THRAP3: variants seen among roughly 807,000 people sequenced by gnomAD.
The protein encoded by THRAP3 is thyroid hormone receptor associated protein 3, also known as thyroid hormone receptor-associated protein 3.
A neutral mutation model predicts 101.0 loss-of-function variants in THRAP3; 16 were observed. The ratio of observed to expected loss-of-function variants is 0.16; its 90% confidence interval spans 0.11 to 0.24. THRAP3 has a LOEUF of 0.24. Ranked by LOEUF, THRAP3 falls within the 10% of genes least tolerant of loss-of-function variation. The pLI is 1.00. For missense variants in THRAP3, 989 were observed against 1,202.7 expected (o/e 0.82, Z 2.63); for synonymous variants, 407 against 422.6 (o/e 0.96, Z 0.45).
At chr1:36,234,370 C>G (rs1430870858) in intron 1 of THRAP3, among the ~76,000 whole-genome samples, 2 of 152,176 alleles carry the variant, frequency 1.3e-5, no homozygotes, top group African/African-American at 4.8e-5. Context: ...TTTCTTCCCC[C>G]CTGCTCACAG....
chr1:36,221,139 T>C (rs990042623), upstream of THRAP3, among the ~76,000 whole-genome samples: 1 of 145,024 alleles, frequency 6.9e-6, no homozygotes, highest in African/African-American at 2.6e-5. Flanking sequence ...GTGCACATAT[T>C]GTGGGCCACT....
intron 1 of THRAP3, among the ~76,000 whole-genome samples, chr1:36,228,313 G>A (rs774732157): frequency 6.6e-6 from 1 of 152,066 alleles, no homozygotes; most frequent in African/African-American, 2.4e-5. Flanking sequence ...TGCCTCCAGG[G>A]TTCAAGCGAT....
At chr1:36,298,080 G>A (rs1645976325) in intron 9 of THRAP3, among the ~76,000 whole-genome samples, 1 of 150,462 alleles carries the variant, frequency 6.6e-6, no homozygotes, top group African/African-American at 2.5e-5. Context: ...CTGGGAGGAG[G>A]AGGTTGCACT....
chr1:36,263,055 C>A (rs1352827925), intron 2 of THRAP3, among the ~76,000 whole-genome samples: 1 of 149,442 alleles, frequency 6.7e-6, no homozygotes, highest in African/African-American at 2.5e-5. Context: ...CGTGATCTGC[C>A]CACCTTGGCC....
In THRAP3 at chr1:36,286,524, A is replaced by G. The variant is rs543227615; in HGVS notation, c.294A>G (p.Gln98=). 15 of 1,614,186 alleles carry G rather than the reference A, an allele frequency of 9.3e-6. No homozygotes were observed. Among genetic ancestry groups the G allele is most frequent in the South Asian group, 4.4e-5 (4 of 91,080 alleles). The change falls in exon 4 of 12, where the codon CAA becomes CAG. Residue 98 remains glutamine, a synonymous_variant. Coordinates refer to ENST00000354618, the MANE Select transcript of THRAP3 (RefSeq NM_005119.4). The surrounding 1 kb of genome is among the most constrained non-coding windows in gnomAD (Gnocchi z 5.5). The part of the protein sequence containing the change: ...GRNRGFYPWG[Q]YNRGGYGNYR... ...ACAGAGGCTTTTATCCATGGGGCCA[A>G]TATAACCGAGGAGGCTATGGAAACT...
intron 2 of THRAP3, among the ~76,000 whole-genome samples, chr1:36,260,251 AAAAC>A (rs898826009): frequency 8.5e-5 from 13 of 152,132 alleles, no homozygotes; most frequent in African/African-American, 2.4e-4. Flanking sequence ...CAGAAAAACA[AAAAC>A]AAACAAAAGC....
rs1040426960 is a variant in THRAP3, at chr1:36,304,537, A to C, written c.*520A>C. 1.8e-5 allele frequency: 4 copies of C among 227,372 alleles called. No homozygotes were observed. Among genetic ancestry groups the C allele is most frequent in the African/African-American group, 6.7e-5 (3 of 44,872 alleles). The allele number at this position is 227,372 out of a possible 1,614,324, so 14.1% of individuals were successfully genotyped here. A position where few individuals can be genotyped will look rare whatever the true frequency, so the allele number is the denominator to read the frequency against. On this transcript the variant is annotated 3_prime_UTR_variant, in exon 12 of 12. Coordinates refer to ENST00000354618, the MANE Select transcript of THRAP3 (RefSeq NM_005119.4). ...CTTTGATTCTTGAAAGAGAAAACAA[A>C]AGCATGTGAATAAACTTTGAAGTGT...
chr1:36,292,480 C>G, intron 6 of THRAP3, 118 bp from the exon 7 acceptor site: 1 of 665,004 alleles, frequency 1.5e-6, no homozygotes. Flanking sequence ...CCGTGTTAGC[C>G]AGGATGGTCT....
At chr1:36,250,225 T>G (rs1645282993) in intron 1 of THRAP3, among the ~76,000 whole-genome samples, 1 of 151,978 alleles carries the variant, frequency 6.6e-6, no homozygotes, top group Non-Finnish European at 1.5e-5. Context: ...TTTTTTTTTT[T>G]TTTTTTGAGA....
chr1:36,229,388 G>T, intron 1 of THRAP3, among the ~76,000 whole-genome samples: 1 of 146,042 alleles, frequency 6.8e-6, no homozygotes, highest in African/African-American at 2.5e-5. Flanking sequence ...GAGCCACCGT[G>T]TCTGGTCTAC....
chr1:36,255,949 G>T (rs1248901058), intron 1 of THRAP3, among the ~76,000 whole-genome samples: 1 of 151,768 alleles, frequency 6.6e-6, no homozygotes, highest in East Asian at 1.9e-4. Flanking sequence ...ACTAATGTGT[G>T]GAACATGGGA....
rs202131608 is a variant in THRAP3 at position 36,289,560 on chromosome 1, G to A, written c.1541G>A (p.Gly514Asp). 1.2e-6 allele frequency: 2 copies of A among 1,613,958 alleles called. No individual in the cohort carries two copies. The highest frequency in any genetic ancestry group is 1.7e-5 in the Admixed American group (1 of 59,968). Residue 514 changes from glycine to aspartate, a missense_variant, in exon 5 of 12, where the codon GGC becomes GAC. Gly to Asp is a moderately conservative substitution (Grantham distance 94). Coordinates refer to ENST00000354618, the MANE Select transcript of THRAP3 (RefSeq NM_005119.4). ...RGKRSEGGHR[G>D]FVPEKNFRVT... is the part of the protein sequence containing the mutation. ...AAGAGAAGCGAAGGTGGGCACAGGGGCTTTGTGCCTGAGAAGAATTTCCGA... is the reference window on the plus strand; with the variant it reads ...AAGAGAAGCGAAGGTGGGCACAGGGACTTTGTGCCTGAGAAGAATTTCCGA...
At chr1:36,251,653 T>C (rs1645301791) in intron 1 of THRAP3, among the ~76,000 whole-genome samples, 1 of 152,242 alleles carries the variant, frequency 6.6e-6, no homozygotes, top group Admixed American at 6.5e-5. Context: ...GAGAATGTAA[T>C]TGTTTAATGA....
At chr1:36,297,156 CAAAG>C (rs1158312893) in intron 9 of THRAP3, among the ~76,000 whole-genome samples, 1 of 152,160 alleles carries the variant, frequency 6.6e-6, no homozygotes, top group African/African-American at 2.4e-5. Context: ...ACTGTTTAGT[CAAAG>C]AAACAGGGTG....
At chr1:36,301,202 T>A in intron 10 of THRAP3, 118 bp downstream of exon 10, 1 of 1,044,998 alleles carries the variant, frequency 9.6e-7, no homozygotes, top group Non-Finnish European at 1.4e-6. Flanking sequence ...CCAAAGACCC[T>A]GGAATCTTTG....
At chr1:36,271,703 C>T (rs1645594153) in intron 2 of THRAP3, among the ~76,000 whole-genome samples, 1 of 151,128 alleles carries the variant, frequency 6.6e-6, no homozygotes, top group South Asian at 2.1e-4. Flanking sequence ...AAGCAATTCT[C>T]CTGCCTCAGC....
chr1:36,274,514 A>G (rs1441299687), intron 2 of THRAP3, among the ~76,000 whole-genome samples: 1 of 152,122 alleles, frequency 6.6e-6, no homozygotes, highest in Non-Finnish European at 1.5e-5. Flanking sequence ...TTAAAAATGT[A>G]CTATAGCTAC....
chr1:36,242,694 G>A (rs1459739350), intron 1 of THRAP3, among the ~76,000 whole-genome samples: 3 of 151,564 alleles, frequency 2.0e-5, no homozygotes, highest in South Asian at 2.1e-4. Context: ...CCTGTGATCC[G>A]CCTGCCTCGC....
In THRAP3 at chr1:36,286,633, C is replaced by T. The variant is rs2124597988; in HGVS notation, c.403C>T (p.Pro135Ser). The change falls in exon 4 of 12, where the codon CCT (proline) becomes TCT (serine). Residue 135 changes from proline (P) to serine (S), a missense_variant. Transcript: ENST00000354618. This position sits in a 1 kb window ranked among gnomAD's most constrained non-coding sequence, Gnocchi z 5.5. The part of the protein sequence containing the change: ...SRSRSPKRRS[P>S]SPRSRSHSRN... ...ATCCCGGTCCCCAAAGAGAAGGTCC[C>T]CTTCACCAAGGTCCAGGAGCCATTC... The T allele has an allele frequency of 6.2e-7, 1 of 1,614,190 alleles. No individual in the cohort carries two copies. Among genetic ancestry groups the T allele is most frequent in the East Asian group, 2.2e-5 (1 of 44,886 alleles).
Sources: allele counts gnomAD v4.1 joint callset (sites outside exome capture counted in the v4.1 genomes callset), GRCh38; gene constraint gnomAD v4.1.1; non-coding constraint Gnocchi (gnomAD v3.1); transcripts MANE v1.5; gene names NCBI Gene and HGNC (gene_info 2026-07-23, HGNC 2026-07-21).